HPSE2: variants seen among roughly 807,000 people sequenced by gnomAD.
The protein encoded by HPSE2 is heparanase 2 (inactive), also known as inactive heparanase-2.
HPSE2 carries 38 observed loss-of-function variants against 60.5 expected under a neutral mutation model. That is an observed-to-expected ratio of 0.63 (90% CI 0.48 to 0.82). HPSE2 has a LOEUF of 0.82. HPSE2 is among the 40% of genes least tolerant of loss of function. HPSE2 has a pLI of 0.00. For synonymous variants in HPSE2, 295 were observed against 293.2 expected (o/e 1.01, Z -0.06); for missense variants, 713 against 740.4 (o/e 0.96, Z 0.43).
At chr10:98,912,667 A>G (rs1954011962) in intron 3 of HPSE2, among the ~76,000 whole-genome samples, 1 of 152,214 alleles carries the variant, frequency 6.6e-6, no homozygotes, top group Admixed American at 6.5e-5. Flanking sequence ...GCTAAATGAA[A>G]TAAGCCAGAC....
At chr10:98,828,059 C>G (rs1386505136) in intron 3 of HPSE2, among the ~76,000 whole-genome samples, 1 of 152,170 alleles carries the variant, frequency 6.6e-6, no homozygotes, top group Non-Finnish European at 1.5e-5. Flanking sequence ...AACTTCAACT[C>G]TTCTCTGGGT....
intron 3 of HPSE2, among the ~76,000 whole-genome samples, chr10:98,933,446 C>T (rs117989508): frequency 0.014 from 1,954 of 143,990 alleles, 202 homozygotes; most frequent in Admixed American, 0.021. Context: ...TTGAGTGGAG[C>T]GTTCTATAGA....
At chr10:99,181,697 A>T (rs1564874891) in intron 2 of HPSE2, among the ~76,000 whole-genome samples, 1 of 152,148 alleles carries the variant, frequency 6.6e-6, no homozygotes, top group Non-Finnish European at 1.5e-5. Context: ...ACATGGACAC[A>T]GGGAGGGGAA....
At chr10:99,289,975 T>C in the HPSE2 span, among the ~76,000 whole-genome samples, 2 of 152,126 alleles carry the variant, frequency 1.3e-5, no homozygotes, top group Non-Finnish European at 2.9e-5. Flanking sequence ...ATATCTAATA[T>C]GCTAAAGAAG....
intron 3 of HPSE2, among the ~76,000 whole-genome samples, chr10:98,923,866 A>G (rs1954363823): frequency 6.6e-6 from 1 of 152,090 alleles, no homozygotes; most frequent in Admixed American, 6.6e-5. Flanking sequence ...TCTCTGTCTG[A>G]AACGTCATAT....
chr10:98,860,139 AC>A (rs1462812681), intron 3 of HPSE2, among the ~76,000 whole-genome samples: 1 of 152,180 alleles, frequency 6.6e-6, no homozygotes, highest in Non-Finnish European at 1.5e-5. Flanking sequence ...AGGGGGGACT[AC>A]TATATATCTA....
chr10:99,312,506 A>G, the HPSE2 span, among the ~76,000 whole-genome samples: 3 of 152,230 alleles, frequency 2.0e-5, no homozygotes, highest in Non-Finnish European at 4.4e-5. Context: ...GGATGACAAC[A>G]CATCTGTTTA....
chr10:99,247,700 A>G, the HPSE2 span, among the ~76,000 whole-genome samples: 1 of 152,212 alleles, frequency 6.6e-6, no homozygotes, highest in Non-Finnish European at 1.5e-5. Flanking sequence ...AGAGTTGGTG[A>G]TATGGTTTGG....
At chr10:98,850,146 T>C (rs1008288932) in intron 3 of HPSE2, among the ~76,000 whole-genome samples, 4 of 152,186 alleles carry the variant, frequency 2.6e-5, no homozygotes, top group Admixed American at 6.5e-5. Context: ...GGCATCACTT[T>C]GCTAAAAAGC....
At chr10:98,526,155 C>T (rs1942960465) in intron 9 of HPSE2, among the ~76,000 whole-genome samples, 1 of 152,146 alleles carries the variant, frequency 6.6e-6, no homozygotes, top group Non-Finnish European at 1.5e-5. Flanking sequence ...ATATATGCTA[C>T]TGAAGGACCT....
intron 9 of HPSE2, among the ~76,000 whole-genome samples, chr10:98,612,205 G>T (rs1214658600): frequency 6.6e-6 from 1 of 152,020 alleles, no homozygotes; most frequent in Non-Finnish European, 1.5e-5. Context: ...CAATTCTAAG[G>T]CAATGTTGGC....
chr10:98,635,821 A>C (rs926157465), intron 7 of HPSE2, among the ~76,000 whole-genome samples: 2 of 151,652 alleles, frequency 1.3e-5, no homozygotes, highest in African/African-American at 4.8e-5. Flanking sequence ...ACTGGCATAT[A>C]TATTTGCGGA....
intron 2 of HPSE2, among the ~76,000 whole-genome samples, chr10:99,172,601 G>A (rs1478903428): frequency 6.6e-6 from 1 of 152,190 alleles, no homozygotes; most frequent in Non-Finnish European, 1.5e-5. Context: ...AATATAGTAA[G>A]TACTTATAAT....
the HPSE2 span, among the ~76,000 whole-genome samples, chr10:99,302,617 G>T: frequency 6.6e-6 from 1 of 152,070 alleles, no homozygotes; most frequent in African/African-American, 2.4e-5. Context: ...CCCTCAGCAT[G>T]GTTACTAGGA....
At chr10:99,221,100 C>T (rs1400900257) in intron 2 of HPSE2, among the ~76,000 whole-genome samples, 1 of 152,118 alleles carries the variant, frequency 6.6e-6, no homozygotes, top group Non-Finnish European at 1.5e-5. Flanking sequence ...CCGCCTCAGC[C>T]TCCCAAAGTG....
intron 1 of HPSE2, 90 bp from the exon 2 acceptor site, chr10:99,232,595 A>T: frequency 2.1e-6 from 3 of 1,409,192 alleles, no homozygotes; most frequent in Non-Finnish European, 2.9e-6. Context: ...CTACTCCCTG[A>T]GGGCGACCTG....
intron 7 of HPSE2, among the ~76,000 whole-genome samples, chr10:98,638,477 A>T (rs928916844): frequency 1.3e-5 from 2 of 152,070 alleles, no homozygotes; most frequent in Admixed American, 6.6e-5. Context: ...CATAAAACCT[A>T]ACTTGGCCCA....
chr10:98,860,918 A>G (rs890610921), intron 3 of HPSE2, among the ~76,000 whole-genome samples: 7 of 152,232 alleles, frequency 4.6e-5, no homozygotes, highest in Non-Finnish European at 1.0e-4. Flanking sequence ...CCTTAGGCAC[A>G]TACATAAACA....
At position 99,132,206 on chromosome 10, in the gene HPSE2, AG is replaced by A. The variant is rs1564832938; in HGVS notation, c.610+12031del. 9.8e-4 allele frequency among the ~76,000 whole-genome samples: 24 copies of A among 24,466 alleles called. 1 individual carries two copies. Among genetic ancestry groups the A allele is most frequent in the Admixed American group, 1.6e-3 (3 of 1,902 alleles). The allele number at this position is 24,466 out of a possible 152,430, so 16.1% of individuals were successfully genotyped here. ...GAAAGAAAGAAAGAGAGAGAGAGAG[AG>A]AGAGAGAGAGAGAGAGAGAGAGAGA... is the stretch of plus-strand genomic sequence containing the variant. On this transcript the variant is annotated intron_variant, in intron 3 of 11. Transcript: ENST00000370552.
Sources: allele counts gnomAD v4.1 joint callset (sites outside exome capture counted in the v4.1 genomes callset), GRCh38; gene constraint gnomAD v4.1.1; transcripts MANE v1.5; gene names NCBI Gene and HGNC (gene_info 2026-07-23, HGNC 2026-07-21).